The following KHDRBS2 variants were observed in gnomAD, a reference collection of about 807,000 sequenced individuals.
The protein encoded by KHDRBS2 is KH RNA binding domain containing, signal transduction associated 2.
Under a neutral mutation model 44.3 loss-of-function variants are expected in KHDRBS2, and 26 were observed. The observed-to-expected ratio is 0.59, with a 90% CI of 0.43 to 0.81. The LOEUF (loss-of-function observed/expected upper bound fraction) is 0.81, where lower values mean the gene tolerates loss of function less well. Among genes scored for constraint, KHDRBS2 ranks in the 40% least tolerant of loss-of-function variants. KHDRBS2 has a pLI of 0.00. For synonymous variants in KHDRBS2, 194 were observed against 151.1 expected (o/e 1.28, Z -2.08); for missense variants, 476 against 433.1 (o/e 1.10, Z -0.88).
the KHDRBS2 span, among the ~76,000 whole-genome samples, chr6:61,581,472 T>C: frequency 6.7e-6 from 1 of 150,284 alleles, no homozygotes; most frequent in Non-Finnish European, 1.5e-5. Context: ...GCATAAAGCA[T>C]CCAGGACAAG....
At chr6:62,045,593 A>G (rs1787498024) in intron 3 of KHDRBS2, among the ~76,000 whole-genome samples, 1 of 152,136 alleles carries the variant, frequency 6.6e-6, no homozygotes, top group African/African-American at 2.4e-5. Flanking sequence ...CCTTGTATTC[A>G]TTACTATAAA....
intron 2 of KHDRBS2, among the ~76,000 whole-genome samples, chr6:62,084,262 T>C (rs1337450728): frequency 3.9e-5 from 6 of 152,202 alleles, no homozygotes; most frequent in African/African-American, 1.4e-4. Flanking sequence ...CGTCTTCATC[T>C]TCATGGACAG....
intron 2 of KHDRBS2, among the ~76,000 whole-genome samples, chr6:62,081,287 T>C (rs1458354908): frequency 6.6e-6 from 1 of 152,144 alleles, no homozygotes; most frequent in Non-Finnish European, 1.5e-5. Flanking sequence ...TGGGGTTAAA[T>C]GACTTCTTAA....
intron 3 of KHDRBS2, among the ~76,000 whole-genome samples, chr6:62,032,330 A>G (rs1388723076): frequency 6.6e-6 from 1 of 151,910 alleles, no homozygotes; most frequent in Admixed American, 6.6e-5. Flanking sequence ...AGGCAGAAAA[A>G]TTTGAAAAGA....
At chr6:61,901,452 CAAA>C in intron 4 of KHDRBS2, 81 bp from the exon 5 acceptor site, 10 of 396,972 alleles carry the variant, frequency 2.5e-5, no homozygotes, top group South Asian at 3.3e-5. Flanking sequence ...AGAAACAAAA[CAAA>C]ACGCAATAGG....
chr6:62,220,865 A>G (rs1376417188), intron 1 of KHDRBS2, among the ~76,000 whole-genome samples: 3 of 152,002 alleles, frequency 2.0e-5, no homozygotes, highest in African/African-American at 7.2e-5. Context: ...TAAAGCTCCA[A>G]TTTAAAGAAA....
Position 62,177,221 on chromosome 6 carries a change from T to C in KHDRBS2, c.183A>G (p.Ser61=), listed in dbSNP as rs758892411. Residue 61 remains serine (S), a synonymous_variant, in exon 2 of 9, where the codon TCA becomes TCG. Coordinates refer to ENST00000281156, the MANE Select transcript of KHDRBS2 (RefSeq NM_152688.4). ...DVISNKNIKL[S]ERVLIPVKQY... is the part of the protein sequence containing the mutation. ...GCTTGACAGGAATCAGTACTCTTTC[T>C]GAGAGCTTTATGTTTTTGTTGCTGA... 1.3e-6 allele frequency: 2 copies of C among 1,593,874 alleles called. No homozygotes were observed. The highest frequency in any genetic ancestry group is 1.7e-4 in the Middle Eastern group (1 of 6,010).
chr6:62,151,371 G>T (rs940743809), intron 2 of KHDRBS2, among the ~76,000 whole-genome samples: 7 of 152,110 alleles, frequency 4.6e-5, no homozygotes, highest in Admixed American at 2.0e-4. Flanking sequence ...CACAGTCCCA[G>T]AATTAATCTC....
chr6:62,228,171 T>C (rs928189973), intron 1 of KHDRBS2, among the ~76,000 whole-genome samples: 1 of 152,200 alleles, frequency 6.6e-6, no homozygotes, highest in Non-Finnish European at 1.5e-5. Flanking sequence ...ATTCGGTTGG[T>C]AGGCTATGAA....
chr6:61,803,913 T>C (rs190175220), intron 6 of KHDRBS2, among the ~76,000 whole-genome samples: 45 of 152,146 alleles, frequency 3.0e-4, no homozygotes, highest in Admixed American at 2.5e-3. Flanking sequence ...TACCCCAACA[T>C]ATGGAGATTA....
At chr6:61,853,463 A>G (rs1392063948) in intron 6 of KHDRBS2, among the ~76,000 whole-genome samples, 1 of 152,212 alleles carries the variant, frequency 6.6e-6, no homozygotes, top group Non-Finnish European at 1.5e-5. Flanking sequence ...TAAAAAAAAG[A>G]CTAGAAGGAA....
At chr6:62,076,497 A>C (rs948967217) in intron 2 of KHDRBS2, among the ~76,000 whole-genome samples, 1 of 152,028 alleles carries the variant, frequency 6.6e-6, no homozygotes, top group African/African-American at 2.4e-5. Context: ...TCAGTAGATA[A>C]TGTTGGTTGT....
intron 6 of KHDRBS2, among the ~76,000 whole-genome samples, chr6:61,892,936 A>C (rs1360791190): frequency 6.6e-6 from 1 of 152,108 alleles, no homozygotes; most frequent in Non-Finnish European, 1.5e-5. Context: ...TCTGCACAGC[A>C]AAAGAAACTA....
chr6:62,044,671 T>G (rs1354918031), intron 3 of KHDRBS2, among the ~76,000 whole-genome samples: 1 of 151,614 alleles, frequency 6.6e-6, no homozygotes, highest in Non-Finnish European at 1.5e-5. Flanking sequence ...CAGAGAAGAG[T>G]GCCGACCCAG....
At chr6:61,581,544 A>G in the KHDRBS2 span, among the ~76,000 whole-genome samples, 85 of 147,442 alleles carry the variant, frequency 5.8e-4, no homozygotes, top group Non-Finnish European at 1.0e-3. Flanking sequence ...TATAATATAC[A>G]ATATACAATA....
At chr6:62,157,515 C>T (rs1007505019) in intron 2 of KHDRBS2, among the ~76,000 whole-genome samples, 1 of 152,094 alleles carries the variant, frequency 6.6e-6, no homozygotes, top group African/African-American at 2.4e-5. Flanking sequence ...TAAGCAACAG[C>T]ATCAATTTTA....
intron 2 of KHDRBS2, among the ~76,000 whole-genome samples, chr6:62,168,634 A>G (rs1341561504): frequency 6.6e-6 from 1 of 152,170 alleles, no homozygotes; most frequent in African/African-American, 2.4e-5. Context: ...TGGAATTTTA[A>G]TCATTTCTCC....
At chr6:61,610,823 G>T in the KHDRBS2 span, among the ~76,000 whole-genome samples, 3 of 152,188 alleles carry the variant, frequency 2.0e-5, no homozygotes, top group Non-Finnish European at 4.4e-5. Flanking sequence ...CTCACACGTT[G>T]AGAAGTACCA....
At chr6:62,255,987 T>C (rs2150178254) in intron 1 of KHDRBS2, among the ~76,000 whole-genome samples, 1 of 151,306 alleles carries the variant, frequency 6.6e-6, no homozygotes, top group Non-Finnish European at 1.5e-5. Flanking sequence ...AAATAAAAAT[T>C]AGCCAGGCAA....
Sources: gnomAD v4.1 joint callset for allele counts (sites outside exome capture counted in the v4.1 genomes callset) on GRCh38, gnomAD v4.1.1 for gene constraint, MANE v1.5 for transcripts, NCBI Gene and HGNC (gene_info 2026-07-23, HGNC 2026-07-21) for gene names.